The following SNTB1 variants were observed in gnomAD, a reference collection of about 807,000 sequenced individuals.
SNTB1 encodes beta-1-syntrophin.
In SNTB1, 36 loss-of-function variants were observed where a neutral mutation model predicts 48.9. The observed-to-expected ratio is 0.74, with a 90% CI of 0.56 to 0.97. The LOEUF is 0.97. Ranked by LOEUF, SNTB1 falls within the 50% of genes least tolerant of loss-of-function variation. SNTB1 has a pLI of 0.00. For missense variants in SNTB1, 786 were observed against 703.4 expected, an observed-to-expected ratio of 1.12 and a Z score of -1.33; for synonymous variants, 299 against 294.6, an observed-to-expected ratio of 1.01 and a Z score of -0.15.
chr8:120,782,712 A>C (rs2130132508), intron 1 of SNTB1, among the ~76,000 whole-genome samples: 1 of 152,296 alleles, frequency 6.6e-6, no homozygotes. Context: ...AGATACACGA[A>C]AAAGTTCTAC....
chr8:120,552,762 C>A (rs775575380), intron 4 of SNTB1, among the ~76,000 whole-genome samples: 22 of 152,018 alleles, frequency 1.4e-4, no homozygotes, highest in Non-Finnish European at 5.9e-5. Context: ...ATGATTCAAG[C>A]GCATTACATT....
chr8:120,628,079 C>G (rs1314996041), intron 3 of SNTB1, among the ~76,000 whole-genome samples: 1 of 152,182 alleles, frequency 6.6e-6, no homozygotes, highest in Non-Finnish European at 1.5e-5. Context: ...ATGAATAAAG[C>G]TGATACCTGA....
chr8:120,603,092 T>A (rs898218151), intron 3 of SNTB1, among the ~76,000 whole-genome samples: 2 of 148,940 alleles, frequency 1.3e-5, no homozygotes, highest in Admixed American at 1.3e-4. Context: ...CTCAAAAAAG[T>A]CTCTAGATTT....
At chr8:120,635,133 G>T (rs1244008455) in intron 2 of SNTB1, among the ~76,000 whole-genome samples, 1 of 152,118 alleles carries the variant, frequency 6.6e-6, no homozygotes, top group Non-Finnish European at 1.5e-5. Context: ...TTATGTGATG[G>T]AACAGGGAAT....
In SNTB1 at chr8:120,764,149, G is replaced by A. The variant is rs144890071; in HGVS notation, c.571+47124C>T. On this transcript the variant is annotated intron_variant, in intron 1 of 6. Transcript: ENST00000517992. ...TATTCATTATAGTCTTACTTATAGC[G>A]CAAAATATTGGACTCTACAAAATGT... Among the ~76,000 whole-genome samples, 836 of 152,152 alleles carry A rather than the reference G, an allele frequency of 5.5e-3. 9 individuals carry two copies. The highest frequency in any genetic ancestry group is 0.019 in the African/African-American group (771 of 41,482).
intron 4 of SNTB1, among the ~76,000 whole-genome samples, chr8:120,569,237 C>T (rs534471375): frequency 1.2e-4 from 18 of 152,310 alleles, no homozygotes; most frequent in African/African-American, 4.3e-4. Flanking sequence ...ACCTCGGCCT[C>T]CCAAAATGCC....
rs147432775 is a variant in SNTB1, at chr8:120,730,665, C to T, written c.572-36757G>A. Among the ~76,000 whole-genome samples, 632 of 152,324 alleles carry T rather than the reference C, an allele frequency of 4.1e-3. 3 individuals are homozygous for T. Among genetic ancestry groups the T allele is most frequent in the Non-Finnish European group, 6.9e-3 (472 of 68,026 alleles). On this transcript the variant is annotated intron_variant, in intron 1 of 6. Coordinates refer to ENST00000517992, the MANE Select transcript of SNTB1 (RefSeq NM_021021.4). ...GGATGAATCGGAATCTCAGGTCCAT[C>T]GCTTAGTAACCCTAAGCAAGTCACT...
At chr8:120,641,577 T>A (rs1320764974) in intron 2 of SNTB1, among the ~76,000 whole-genome samples, 1 of 152,234 alleles carries the variant, frequency 6.6e-6, no homozygotes, top group Non-Finnish European at 1.5e-5. Context: ...AGGTTGGTGT[T>A]GCAGAGGCCC....
chr8:120,542,215 A>G (rs887196254), intron 5 of SNTB1: 16 of 494,114 alleles, frequency 3.2e-5, no homozygotes, highest in South Asian at 6.2e-5. Flanking sequence ...AAAATAATGG[A>G]AAGAAATTCC....
intron 1 of SNTB1, among the ~76,000 whole-genome samples, chr8:120,743,350 G>C (rs1230117739): frequency 6.6e-6 from 1 of 152,014 alleles, no homozygotes; most frequent in Non-Finnish European, 1.5e-5. Context: ...TATAAAACAC[G>C]GTTTTGTAAT....
chr8:120,559,711 A>C (rs146432955), intron 4 of SNTB1, among the ~76,000 whole-genome samples: 6 of 152,352 alleles, frequency 3.9e-5, no homozygotes, highest in Non-Finnish European at 8.8e-5. Context: ...TTTTGCATTA[A>C]TTTAATTCTG....
intron 2 of SNTB1, among the ~76,000 whole-genome samples, chr8:120,657,835 GT>G (rs1158482275): frequency 1.3e-5 from 2 of 152,142 alleles, no homozygotes; most frequent in African/African-American, 4.8e-5. Flanking sequence ...CACAGATATT[GT>G]TTCAATAATC....
chr8:120,755,586 A>T (rs1046478167), intron 1 of SNTB1, among the ~76,000 whole-genome samples: 2 of 152,182 alleles, frequency 1.3e-5, no homozygotes, highest in Non-Finnish European at 2.9e-5. Flanking sequence ...AACTCATAAG[A>T]CGAGGAACTT....
chr8:120,690,552 C>T (rs1258447913), intron 2 of SNTB1, among the ~76,000 whole-genome samples: 2 of 152,152 alleles, frequency 1.3e-5, no homozygotes, highest in Non-Finnish European at 2.9e-5. Flanking sequence ...ACTTTATGGA[C>T]ATTTTACCTT....
At chr8:120,805,710 A>C (rs1820324182) in intron 1 of SNTB1, among the ~76,000 whole-genome samples, 1 of 152,236 alleles carries the variant, frequency 6.6e-6, no homozygotes, top group Non-Finnish European at 1.5e-5. Context: ...AATTTGTTAT[A>C]GCAGCAATAG....
chr8:120,615,852 C>T (rs531286178), intron 3 of SNTB1, among the ~76,000 whole-genome samples: 17 of 152,218 alleles, frequency 1.1e-4, no homozygotes, highest in African/African-American at 3.9e-4. Context: ...TTCTTTCTTT[C>T]CTACCAATTT....
At chr8:120,806,139 C>A (rs1477268234) in intron 1 of SNTB1, among the ~76,000 whole-genome samples, 2 of 152,208 alleles carry the variant, frequency 1.3e-5, no homozygotes, top group African/African-American at 2.4e-5. Context: ...GACACCAGTT[C>A]TCAAGAAGGT....
intron 3 of SNTB1, among the ~76,000 whole-genome samples, chr8:120,617,906 T>C (rs1486297663): frequency 6.6e-6 from 1 of 152,106 alleles, no homozygotes; most frequent in Admixed American, 6.5e-5. Flanking sequence ...ATTCTAAAAA[T>C]GCAATACAGC....
intron 2 of SNTB1, chr8:120,635,923 G>A: frequency 2.2e-6 from 1 of 460,766 alleles, no homozygotes; most frequent in Non-Finnish European, 4.0e-6. Context: ...TTTCCTTTTT[G>A]CTAACCGAAT....
Sources: gnomAD v4.1 joint callset for allele counts (sites outside exome capture counted in the v4.1 genomes callset) on GRCh38, gnomAD v4.1.1 for gene constraint, MANE v1.5 for transcripts, NCBI Gene and HGNC (gene_info 2026-07-23, HGNC 2026-07-21) for gene names.